Variants in IRAG2 observed in about 807,000 individuals in gnomAD.
IRAG2 encodes lymphoid restricted membrane protein.
Under a neutral mutation model 69.9 loss-of-function variants are expected in IRAG2, and 45 were observed. The observed-to-expected ratio is 0.64, with a 90% confidence interval of 0.51 to 0.83. The LOEUF is 0.83. Ranked by LOEUF, IRAG2 falls within the 40% of genes least tolerant of loss-of-function variation. IRAG2 has a pLI of 0.00. For missense variants in IRAG2, 520 were observed against 587.0 expected (o/e 0.89, Z 1.18); for synonymous variants, 193 against 202.4 (o/e 0.95, Z 0.40).
chr12:25,096,652 G>A (rs918098557), intron 14 of IRAG2, among the ~76,000 whole-genome samples: 26 of 151,938 alleles, frequency 1.7e-4, no homozygotes, highest in Admixed American at 1.4e-3. Context: ...AGAAAGATGT[G>A]GCAAATTTGG....
intron 6 of IRAG2, among the ~76,000 whole-genome samples, chr12:25,078,541 T>C (rs1431356711): frequency 6.6e-6 from 1 of 152,224 alleles, no homozygotes; most frequent in Non-Finnish European, 1.5e-5. Context: ...TAAAATAATA[T>C]ACTAGAAAAG....
In IRAG2 at chr12:25,069,331, C is replaced by T. The variant is rs1946179205; in HGVS notation, c.-58-19C>T. Reference sequence around the variant, plus strand: ...CAGTTTTTTCACCTGTAGTAAATAACTCTACTTCCTACTGCCAGGTGCCCA... The same window carrying T: ...CAGTTTTTTCACCTGTAGTAAATAATTCTACTTCCTACTGCCAGGTGCCCA... On this transcript the variant is annotated intron_variant, in intron 5 of 21. Coordinates refer to ENST00000556887, the MANE Select transcript of IRAG2 (RefSeq NM_001366544.2). 11 of 1,176,362 alleles carry T rather than the reference C, an allele frequency of 9.4e-6. No homozygotes were observed. The highest frequency in any genetic ancestry group is 1.5e-5 in the African/African-American group (1 of 66,022). The allele number at this position is 1,176,362 out of a possible 1,614,324, so 72.9% of individuals were successfully genotyped here. A position where few individuals can be genotyped will look rare whatever the true frequency, so the allele number is the denominator to read the frequency against.
rs1303390580 is a variant in IRAG2 at position 25,015,397 on chromosome 12, G to C, written c.1024G>C (p.Ala342Pro). 1.3e-5 allele frequency: 16 copies of C among 1,231,858 alleles called. No homozygotes were observed. The East Asian group carries it at 3.8e-4, about 29-fold the overall frequency. 76.3% of individuals were successfully genotyped at this position (1,231,858 alleles called of 1,614,324 possible). Residue 342 changes from alanine (A) to proline (P), a missense_variant, in exon 5 of 39, where the codon GCT (alanine) becomes CCT (proline). Coordinates refer to the IRAG2 transcript ENST00000636465. ...AGATTCTACATTGGGGAGCTTCGAG[G>C]CTTTGGGAGGAGAAACATCTAAAGG...
At chr12:25,013,733 A>G (rs966925166) in intron 3 of IRAG2, among the ~76,000 whole-genome samples, 1 of 151,554 alleles carries the variant, frequency 6.6e-6, no homozygotes, top group East Asian at 1.9e-4. Context: ...TCAAATAAAT[A>G]GGTCATAGAT....
At chr12:25,017,317 G>A in intron 6 of IRAG2, 2 of 1,231,946 alleles carry the variant, frequency 1.6e-6, no homozygotes, top group Non-Finnish European at 2.0e-6. Flanking sequence ...GGTCCAGTGT[G>A]CGGGGAACTT....
chr12:25,009,770 GA>G (rs1944460486), intron 2 of IRAG2, among the ~76,000 whole-genome samples: 1 of 150,376 alleles, frequency 6.6e-6, no homozygotes, highest in African/African-American at 2.5e-5. Flanking sequence ...TTGAAGCAAG[GA>G]AGAGCCAACA....
intron 5 of IRAG2, among the ~76,000 whole-genome samples, chr12:25,067,572 T>G (rs1398158029): frequency 6.6e-6 from 1 of 152,208 alleles, no homozygotes; most frequent in Non-Finnish European, 1.5e-5. Flanking sequence ...CTTCTTGGGT[T>G]CAAATAATTT....
rs546911797 is a variant in IRAG2, at chr12:25,062,769, A to T, written c.-384-51A>T. The stretch of plus-strand genomic sequence containing the variant: ...AAGTCTAATGTGTTTGGGATCTTTG[A>T]CTCTTTCATCATTCTGTCTTTGAAT... On this transcript the variant is annotated intron_variant, in intron 2 of 21. Transcript: ENST00000556887. The T allele has an allele frequency of 3.4e-4, 134 of 398,488 alleles. 1 individual carries two copies. In the East Asian group the frequency reaches 4.6e-3, roughly 14 times the overall value. 24.7% of individuals were successfully genotyped at this position (398,488 alleles called of 1,614,324 possible). A position where few individuals can be genotyped will look rare whatever the true frequency, so the allele number is the denominator to read the frequency against.
At position 25,030,412 on chromosome 12, in the gene IRAG2, A is replaced by G. The variant is rs970287266; in HGVS notation, c.1518+78A>G. 4 of 1,045,648 alleles carry G rather than the reference A, an allele frequency of 3.8e-6. No individual in the cohort carries two copies. The African/African-American group carries it at 6.6e-5, about 17-fold the overall frequency. 64.8% of individuals were successfully genotyped at this position (1,045,648 alleles called of 1,614,324 possible). On this transcript the variant is annotated intron_variant, in intron 10 of 38. Coordinates refer to the IRAG2 transcript ENST00000636465. The stretch of plus-strand genomic sequence containing the variant: ...AATCTGATTCTTTTTTTTTTGACGG[A>G]GTCTTGCTCTGTTGCCCAGGCTGGA...
intron 19 of IRAG2, 116 bp from the exon 20 acceptor site, chr12:25,104,245 C>A: frequency 1.2e-6 from 1 of 801,258 alleles, no homozygotes; most frequent in Non-Finnish European, 1.9e-6. Flanking sequence ...GTGAATGTGC[C>A]AAGAAAAAAA....
chr12:25,056,739 G>T (rs934384454), intron 1 of IRAG2, among the ~76,000 whole-genome samples: 1 of 152,158 alleles, frequency 6.6e-6, no homozygotes, highest in East Asian at 1.9e-4. Flanking sequence ...TTTCATTCAC[G>T]ATTTTCTTGG....
At chr12:25,045,848 T>TAAAAAAAAAAAAAA (rs71063392) in intron 16 of IRAG2, among the ~76,000 whole-genome samples, 1 of 131,568 alleles carries the variant, frequency 7.6e-6, no homozygotes, top group Non-Finnish European at 1.6e-5. Flanking sequence ...AAATAAAAGA[T>TAAAAAAAAAAAAAA]AAAAAAAAAA....
At chr12:25,016,992 T>C (rs892280559) in intron 5 of IRAG2, 17 of 481,190 alleles carry the variant, frequency 3.5e-5, no homozygotes, top group Non-Finnish European at 4.9e-5. Context: ...ATTAATTATG[T>C]TTATGATGAC....
intron 6 of IRAG2, among the ~76,000 whole-genome samples, chr12:25,072,076 G>T (rs1018717787): frequency 2.0e-5 from 3 of 152,078 alleles, no homozygotes; most frequent in African/African-American, 4.8e-5. Flanking sequence ...ATGGTGGCAG[G>T]CGCCTGTAAA....
At chr12:25,016,151 G>T (rs1285064489) in intron 5 of IRAG2, among the ~76,000 whole-genome samples, 4 of 151,232 alleles carry the variant, frequency 2.6e-5, no homozygotes, top group Non-Finnish European at 4.4e-5. Context: ...AGCTGATATC[G>T]TGCCATTGTG....
At chr12:25,026,102 A>G (rs961818006) in intron 8 of IRAG2, among the ~76,000 whole-genome samples, 1 of 152,214 alleles carries the variant, frequency 6.6e-6, no homozygotes, top group Non-Finnish European at 1.5e-5. Flanking sequence ...AACCTTATTT[A>G]CAAAAACAGG....
chr12:25,078,848 A>G (rs1314597983), intron 6 of IRAG2, among the ~76,000 whole-genome samples: 1 of 152,246 alleles, frequency 6.6e-6, no homozygotes, highest in Admixed American at 6.5e-5. Context: ...TAAAATTACC[A>G]GGTCAGAAAT....
chr12:25,014,264 AAAG>A (rs1361613324), intron 3 of IRAG2, among the ~76,000 whole-genome samples: 3 of 152,114 alleles, frequency 2.0e-5, no homozygotes, highest in African/African-American at 7.2e-5. Context: ...CATGAAGACA[AAAG>A]AAAAAACATT....
At chr12:25,019,050 T>C (rs1471360693) in intron 6 of IRAG2, among the ~76,000 whole-genome samples, 1 of 152,132 alleles carries the variant, frequency 6.6e-6, no homozygotes, top group Non-Finnish European at 1.5e-5. Context: ...TCAGCTGCCA[T>C]GCTCAAACCC....
Sources: gnomAD v4.1 joint callset for allele counts (sites outside exome capture counted in the v4.1 genomes callset) on GRCh38, gnomAD v4.1.1 for gene constraint, MANE v1.5 for transcripts, NCBI Gene and HGNC (gene_info 2026-07-23, HGNC 2026-07-21) for gene names.